Variants in RBM19 observed in about 807,000 individuals in gnomAD.
RBM19 encodes the protein RNA binding motif protein 19.
RBM19 carries 94 observed loss-of-function variants against 116.8 expected under a neutral mutation model. The ratio of observed to expected loss-of-function variants is 0.80; its 90% CI spans 0.68 to 0.95. RBM19 has a LOEUF of 0.95. RBM19 is among the 40% of genes least tolerant of loss of function. RBM19 has a pLI of 0.00. For missense variants in RBM19, 1,161 were observed against 1,220.7 expected (o/e 0.95, Z 0.73); for synonymous variants, 475 against 494.1 (o/e 0.96, Z 0.51).
chr12:113,820,154 G>A (rs986451434), downstream of RBM19, among the ~76,000 whole-genome samples: 2 of 151,188 alleles, frequency 1.3e-5, no homozygotes, highest in African/African-American at 4.9e-5. Flanking sequence ...TTAAACCGGG[G>A]CATCCAAACT....
intron 21 of RBM19, among the ~76,000 whole-genome samples, chr12:113,886,065 G>A (rs1296109876): frequency 6.6e-6 from 1 of 151,712 alleles, no homozygotes; most frequent in Non-Finnish European, 1.5e-5. Context: ...TAGAGACAGG[G>A]TTTCACCATG....
At chr12:113,893,438 T>G (rs569890092) in intron 21 of RBM19, among the ~76,000 whole-genome samples, 1 of 152,340 alleles carries the variant, frequency 6.6e-6, no homozygotes, top group East Asian at 1.9e-4. Flanking sequence ...GCCTACTGTT[T>G]TGATTCTTGC....
intron 22 of RBM19, among the ~76,000 whole-genome samples, chr12:113,857,548 C>A (rs2135738989): frequency 1.3e-5 from 2 of 152,370 alleles, no homozygotes; most frequent in Middle Eastern, 6.8e-3. Flanking sequence ...AGGGCCGTGA[C>A]CTGCTGCATG....
At chr12:113,886,188 A>G (rs1297325969) in intron 21 of RBM19, among the ~76,000 whole-genome samples, 1 of 152,172 alleles carries the variant, frequency 6.6e-6, no homozygotes, top group Non-Finnish European at 1.5e-5. Flanking sequence ...GCTAGAATGC[A>G]GTGGCGTAAC....
chr12:113,857,834 T>G (rs1272851415), intron 22 of RBM19, among the ~76,000 whole-genome samples: 1 of 152,220 alleles, frequency 6.6e-6, no homozygotes, highest in Non-Finnish European at 1.5e-5. Context: ...GGGCCTCTTG[T>G]GATGCCAGCC....
In RBM19 at chr12:113,915,100, G is replaced by A; in HGVS notation, c.2442-15C>T. The A allele has an allele frequency of 6.2e-7, 1 of 1,603,212 alleles. No homozygotes were observed. Among genetic ancestry groups the A allele is most frequent in the Non-Finnish European group, 8.5e-7 (1 of 1,170,052 alleles). On this transcript the variant is annotated splice_polypyrimidine_tract_variant and intron_variant, in intron 20 of 23. Coordinates refer to ENST00000261741, the MANE Select transcript of RBM19 (RefSeq NM_016196.4). ...TCACGGCTGGCCTGGAGTGGTGGGG[G>A]GAGAGGGTCCAAGTTATTCGGAGCT... is the stretch of plus-strand genomic sequence containing the variant.
At chr12:113,907,378 G>C (rs942275741) in intron 21 of RBM19, among the ~76,000 whole-genome samples, 4 of 152,208 alleles carry the variant, frequency 2.6e-5, no homozygotes, top group African/African-American at 9.6e-5. Flanking sequence ...CTGGTACAGA[G>C]AGAGGCTCCA....
At chr12:113,924,858 T>A in intron 17 of RBM19, 101 bp from the exon 18 acceptor site, 1 of 965,164 alleles carries the variant, frequency 1.0e-6, no homozygotes, top group Non-Finnish European at 1.7e-6. Flanking sequence ...TATGGACACC[T>A]TGGGGTCCCA....
chr12:113,877,831 C>T (rs1380994021), intron 21 of RBM19, among the ~76,000 whole-genome samples: 3 of 152,068 alleles, frequency 2.0e-5, no homozygotes, highest in African/African-American at 4.8e-5. Context: ...AACGGATGGG[C>T]GAGTGAGGCC....
chr12:113,852,336 G>A (rs1877527827), intron 22 of RBM19, among the ~76,000 whole-genome samples: 1 of 152,182 alleles, frequency 6.6e-6, no homozygotes, highest in African/African-American at 2.4e-5. Flanking sequence ...CTGATCCCAG[G>A]TCTCAGCCCA....
intron 21 of RBM19, among the ~76,000 whole-genome samples, chr12:113,901,172 G>A (rs1257019952): frequency 6.6e-6 from 1 of 152,130 alleles, no homozygotes; most frequent in Admixed American, 6.5e-5. Flanking sequence ...ATAGATCCTA[G>A]ATAAAATGTA....
intron 21 of RBM19, among the ~76,000 whole-genome samples, chr12:113,884,115 A>C (rs1880348087): frequency 6.8e-6 from 1 of 146,322 alleles, no homozygotes; most frequent in Admixed American, 7.1e-5. Context: ...TCTCTACCAA[A>C]AAAAAAAAAA....
At chr12:113,880,477 A>C (rs1211374769) in intron 21 of RBM19, among the ~76,000 whole-genome samples, 1 of 152,128 alleles carries the variant, frequency 6.6e-6, no homozygotes, top group East Asian at 1.9e-4. Flanking sequence ...TTGTTCTGTG[A>C]GCCTTGTCGT....
At chr12:113,824,771 C>A (rs1299350895) in intron 23 of RBM19, among the ~76,000 whole-genome samples, 3 of 152,082 alleles carry the variant, frequency 2.0e-5, no homozygotes, top group Non-Finnish European at 4.4e-5. Flanking sequence ...TCGTCCCTCC[C>A]AAATCAATTC....
intron 21 of RBM19, among the ~76,000 whole-genome samples, chr12:113,891,495 G>A (rs1406810982): frequency 2.0e-5 from 3 of 152,188 alleles, no homozygotes; most frequent in Non-Finnish European, 4.4e-5. Flanking sequence ...GGTTGGTTTG[G>A]ACCTGGCATC....
chr12:113,911,054 TGG>T (rs11309991), intron 21 of RBM19, among the ~76,000 whole-genome samples: 3 of 151,704 alleles, frequency 2.0e-5, no homozygotes, highest in Non-Finnish European at 2.9e-5. Flanking sequence ...GGGGTGGCGG[TGG>T]GGGGGGTGGG....
intron 21 of RBM19, among the ~76,000 whole-genome samples, chr12:113,880,019 T>C (rs1240287433): frequency 6.6e-6 from 1 of 151,420 alleles, no homozygotes; most frequent in Non-Finnish European, 1.5e-5. Flanking sequence ...CTGTGCTCAG[T>C]GGTGGTTCTG....
intron 21 of RBM19, among the ~76,000 whole-genome samples, chr12:113,873,746 T>C (rs548007849): frequency 4.0e-5 from 6 of 148,600 alleles, no homozygotes; most frequent in South Asian, 2.1e-4. Context: ...TTCCACTGAA[T>C]GGTCAACATT....
intron 23 of RBM19, among the ~76,000 whole-genome samples, chr12:113,843,600 G>C (rs1876692018): frequency 6.6e-6 from 1 of 152,216 alleles, no homozygotes; most frequent in Non-Finnish European, 1.5e-5. Flanking sequence ...CCCTTTTGCT[G>C]CCGGGCCCAG....
Sources: gnomAD v4.1 joint callset for allele counts (sites outside exome capture counted in the v4.1 genomes callset) on GRCh38, gnomAD v4.1.1 for gene constraint, MANE v1.5 for transcripts, NCBI Gene and HGNC (gene_info 2026-07-23, HGNC 2026-07-21) for gene names.